CACNB4: variants seen among roughly 807,000 people sequenced by gnomAD.
CACNB4 encodes calcium voltage-gated channel auxiliary subunit beta 4.
A neutral mutation model predicts 71.2 loss-of-function variants in CACNB4; 32 were observed. That is an observed-to-expected ratio of 0.45 (90% CI 0.34 to 0.60). The LOEUF (loss-of-function observed/expected upper bound fraction) is 0.60, where lower values mean the gene tolerates loss of function less well. Among genes scored for constraint, CACNB4 ranks in the 20% least tolerant of loss-of-function variants. The probability of loss-of-function intolerance (pLI) is 0.01; values close to 1 mark genes in which losing one functional copy is unlikely to be tolerated. For synonymous variants in CACNB4, 231 were observed against 236.9 expected (o/e 0.97, Z 0.23); for missense variants, 464 against 647.9 (o/e 0.72, Z 3.08).
rs1354478341 is a variant in CACNB4, at chr2:151,839,193, G to T, written c.1489C>A (p.Gln497Lys). The change falls in exon 14 of 14, where the codon CAG becomes AAG. Residue 497 changes from glutamine (Q) to lysine (K), a missense_variant. Around this residue, in one of 3 missense-constraint regions of CACNB4, gnomAD observed 115 missense variants for 128.8 expected, o/e 0.89. Coordinates refer to ENST00000539935, the MANE Select transcript of CACNB4 (RefSeq NM_000726.5). ...TTCCTATGGGGTTTGTAAGTGTCCT[G>T]GTATGAGTCAGGGTAATCTTCTTCC... The part of the protein sequence containing the change: ...LVEEDYPDSY[Q>K]DTYKPHRNRG... 3.7e-6 allele frequency: 6 copies of T among 1,613,230 alleles called. No homozygotes were observed. In the African/African-American group the frequency reaches 5.3e-5, roughly 14 times the overall value.
intron 2 of CACNB4, among the ~76,000 whole-genome samples, chr2:151,954,768 GAAGA>G (rs1454083701): frequency 2.0e-5 from 3 of 149,154 alleles, no homozygotes; most frequent in African/African-American, 5.0e-5. Context: ...ATGAGAACAA[GAAGA>G]AATAAAGAAA....
At chr2:151,976,843 T>A (rs2099873894) in intron 2 of CACNB4, among the ~76,000 whole-genome samples, 1 of 152,188 alleles carries the variant, frequency 6.6e-6, no homozygotes, top group Non-Finnish European at 1.5e-5. Context: ...CTGTTTCAGA[T>A]CAGCTCCAGT....
chr2:151,986,726 A>T (rs1681391929), intron 2 of CACNB4, among the ~76,000 whole-genome samples: 1 of 152,206 alleles, frequency 6.6e-6, no homozygotes, highest in South Asian at 2.1e-4. Context: ...CCTTCATATC[A>T]GACTTTGGTA....
chr2:151,901,546 C>A (rs967817960), intron 2 of CACNB4, among the ~76,000 whole-genome samples: 1 of 151,974 alleles, frequency 6.6e-6, no homozygotes, highest in East Asian at 1.9e-4. Context: ...ATCTACAATA[C>A]TACAAAATTA....
chr2:151,939,972 C>A (rs912240132), intron 2 of CACNB4, among the ~76,000 whole-genome samples: 21 of 151,954 alleles, frequency 1.4e-4, no homozygotes, highest in African/African-American at 4.8e-4. Context: ...ATTTTATATC[C>A]AAAAATCTGC....
chr2:151,981,877 G>A (rs1420251229), intron 2 of CACNB4, among the ~76,000 whole-genome samples: 1 of 152,166 alleles, frequency 6.6e-6, no homozygotes, highest in Non-Finnish European at 1.5e-5. Context: ...CAACAATGGA[G>A]TAGAAAAATC....
At chr2:151,892,912 A>G (rs1005125049) in intron 2 of CACNB4, among the ~76,000 whole-genome samples, 1 of 152,258 alleles carries the variant, frequency 6.6e-6, no homozygotes, top group African/African-American at 2.4e-5. Flanking sequence ...AAGACCAGTG[A>G]AGAATAAAAT....
At chr2:151,981,953 T>C (rs2099874793) in intron 2 of CACNB4, among the ~76,000 whole-genome samples, 1 of 152,134 alleles carries the variant, frequency 6.6e-6, no homozygotes, top group South Asian at 2.1e-4. Flanking sequence ...TGCAAGCAGA[T>C]CTAAAGCTTT....
Position 151,976,994 on chromosome 2 carries a change from C to G in CACNB4, c.148-93624G>C, listed in dbSNP as rs76025439. Among the ~76,000 whole-genome samples the G allele has an allele frequency of 6.6e-5, 10 of 152,298 alleles. No homozygotes were observed. In the East Asian group the frequency reaches 1.7e-3, roughly 26 times the overall value. On this transcript the variant is annotated intron_variant, in intron 2 of 13. Coordinates refer to ENST00000539935, the MANE Select transcript of CACNB4 (RefSeq NM_000726.5). Reference sequence around the variant, plus strand: ...GGTTTTGACTTTAACAGTTCTCCAGCTGAATGATGGTCAAGAAGATGAAAG... The same window carrying G: ...GGTTTTGACTTTAACAGTTCTCCAGGTGAATGATGGTCAAGAAGATGAAAG...
intron 2 of CACNB4, among the ~76,000 whole-genome samples, chr2:151,952,638 G>T (rs559993906): frequency 1.3e-5 from 2 of 152,320 alleles, no homozygotes; most frequent in Non-Finnish European, 2.9e-5. Flanking sequence ...TGGGACCCGA[G>T]AAGCAGCTAG....
chr2:151,984,816 C>T (rs1242268888), intron 2 of CACNB4, among the ~76,000 whole-genome samples: 1 of 152,174 alleles, frequency 6.6e-6, no homozygotes, highest in East Asian at 1.9e-4. Context: ...TTGCCTCCTG[C>T]CATCTCTACA....
chr2:151,846,110 G>A (rs1227827460), intron 12 of CACNB4, among the ~76,000 whole-genome samples: 2 of 152,196 alleles, frequency 1.3e-5, no homozygotes, highest in African/African-American at 4.8e-5. Context: ...CATTTACAGA[G>A]TAAGAAGTAA....
At chr2:151,917,194 A>C (rs1475211978) in intron 2 of CACNB4, among the ~76,000 whole-genome samples, 1 of 152,220 alleles carries the variant, frequency 6.6e-6, no homozygotes, top group Admixed American at 6.5e-5. Context: ...TTTGGGTCAT[A>C]TGCCCCTTGA....
At chr2:151,916,069 G>A (rs553986787) in intron 2 of CACNB4, among the ~76,000 whole-genome samples, 1 of 128,254 alleles carries the variant, frequency 7.8e-6, no homozygotes, top group African/African-American at 2.5e-5. Context: ...CGTGGGTCAC[G>A]CCAGCCCTCT....
chr2:151,877,991 A>C (rs1481633007), intron 4 of CACNB4, among the ~76,000 whole-genome samples: 1 of 152,122 alleles, frequency 6.6e-6, no homozygotes, highest in Non-Finnish European at 1.5e-5. Flanking sequence ...ACTTCTACAA[A>C]ATAGATACCA....
chr2:151,897,520 A>T, intron 2 of CACNB4, among the ~76,000 whole-genome samples: 1 of 152,256 alleles, frequency 6.6e-6, no homozygotes, highest in South Asian at 2.1e-4. Flanking sequence ...TGGACCAAAC[A>T]AATAGAAAAA....
intron 2 of CACNB4, among the ~76,000 whole-genome samples, chr2:152,071,864 C>T (rs1579243583): frequency 2.0e-5 from 3 of 152,198 alleles, no homozygotes; most frequent in East Asian, 3.8e-4. Flanking sequence ...AGAGCCAGGC[C>T]TTGACCAAGA....
intron 2 of CACNB4, among the ~76,000 whole-genome samples, chr2:152,007,694 C>T (rs2139419): frequency 0.56 from 85,612 of 152,042 alleles, 24,849 homozygotes; most frequent in Non-Finnish European, 0.64. Context: ...TGTACAGATA[C>T]CTGTTCAAAT....
intron 2 of CACNB4, among the ~76,000 whole-genome samples, chr2:152,073,904 T>C (rs1686843487): frequency 6.6e-6 from 1 of 152,060 alleles, no homozygotes. Context: ...AGCAGTGATG[T>C]AGGACCAGAA....
Sources: gnomAD v4.1 joint callset for allele counts (sites outside exome capture counted in the v4.1 genomes callset) on GRCh38, gnomAD v4.1.1 for gene constraint, gnomAD v4.1.1 regional missense constraint, MANE v1.5 for transcripts, NCBI Gene and HGNC (gene_info 2026-07-23, HGNC 2026-07-21) for gene names.